The following SH3PXD2A variants were observed in gnomAD, a reference collection of about 807,000 sequenced individuals.
SH3PXD2A encodes the protein SH3 and PX domain-containing protein 2A.
In SH3PXD2A, 32 loss-of-function variants were observed where a neutral mutation model predicts 115.2. The observed-to-expected ratio is 0.28, with a 90% CI of 0.21 to 0.37. The LOEUF (loss-of-function observed/expected upper bound fraction) is 0.37. Ranked by LOEUF, SH3PXD2A falls within the 10% of genes least tolerant of loss-of-function variation. SH3PXD2A has a pLI of 1.00. For synonymous variants in SH3PXD2A, 610 were observed against 629.1 expected, an observed-to-expected ratio of 0.97 and a Z score of 0.45; for missense variants, 1,328 against 1,498.7, an observed-to-expected ratio of 0.89 and a Z score of 1.88.
chr10:103,758,713 C>T (rs1322397995), intron 3 of SH3PXD2A, among the ~76,000 whole-genome samples: 2 of 152,216 alleles, frequency 1.3e-5, no homozygotes, highest in Non-Finnish European at 2.9e-5. Context: ...GGATGGGAAG[C>T]AGTAATTACA....
chr10:103,611,924 T>C (rs1393066285), intron 12 of SH3PXD2A, among the ~76,000 whole-genome samples: 1 of 152,190 alleles, frequency 6.6e-6, no homozygotes, highest in Non-Finnish European at 1.5e-5. Context: ...AACGGGTGTA[T>C]AGATTTATCA....
At chr10:103,644,797 C>A (rs1236166127) in intron 8 of SH3PXD2A, among the ~76,000 whole-genome samples, 1 of 152,106 alleles carries the variant, frequency 6.6e-6, no homozygotes, top group East Asian at 1.9e-4. Context: ...TGGCCTTTCC[C>A]AATAGCCACA....
chr10:103,668,578 T>A (rs530352549), intron 7 of SH3PXD2A, 30 bp downstream of exon 7: 9 of 1,544,316 alleles, frequency 5.8e-6, no homozygotes, highest in Non-Finnish European at 7.9e-6. Context: ...ACACACATGC[T>A]CACACACATG....
chr10:103,821,742 T>G (rs1013942185), intron 1 of SH3PXD2A, among the ~76,000 whole-genome samples: 1 of 152,150 alleles, frequency 6.6e-6, no homozygotes, highest in African/African-American at 2.4e-5. Context: ...ATTTTTTGTA[T>G]TTTTTGTAGA....
intron 6 of SH3PXD2A, among the ~76,000 whole-genome samples, chr10:103,680,695 C>T (rs750197587): frequency 1.3e-5 from 2 of 152,144 alleles, no homozygotes; most frequent in Non-Finnish European, 2.9e-5. Flanking sequence ...GCTGCTTGGG[C>T]CACACATGGC....
intron 6 of SH3PXD2A, among the ~76,000 whole-genome samples, chr10:103,684,423 A>G (rs903903450): frequency 6.6e-6 from 1 of 151,454 alleles, no homozygotes; most frequent in Non-Finnish European, 1.5e-5. Flanking sequence ...CAGTGGCACC[A>G]TCTTGGCTCA....
At chr10:103,612,016 G>A (rs886925985) in intron 12 of SH3PXD2A, among the ~76,000 whole-genome samples, 1 of 152,214 alleles carries the variant, frequency 6.6e-6, no homozygotes, top group Non-Finnish European at 1.5e-5. Context: ...TGCCAGGCAA[G>A]AGGAGGTGCC....
intron 3 of SH3PXD2A, among the ~76,000 whole-genome samples, chr10:103,758,795 C>A (rs1465648405): frequency 6.6e-6 from 1 of 152,232 alleles, no homozygotes. Flanking sequence ...CGGTGCCTCT[C>A]AGGCCTATAA....
At chr10:103,702,604 T>TGTG (rs1554913276) in intron 5 of SH3PXD2A, among the ~76,000 whole-genome samples, 1 of 150,684 alleles carries the variant, frequency 6.6e-6, no homozygotes, top group Non-Finnish European at 1.5e-5. Context: ...TGCGTGTGTG[T>TGTG]GTGTGTGTGC....
At chr10:103,729,056 G>T (rs1396624187) in intron 4 of SH3PXD2A, among the ~76,000 whole-genome samples, 1 of 152,040 alleles carries the variant, frequency 6.6e-6, no homozygotes, top group Non-Finnish European at 1.5e-5. Flanking sequence ...CACCACAGCA[G>T]GCTAATTTTT....
chr10:103,621,886 C>A (rs1399511584), intron 10 of SH3PXD2A, among the ~76,000 whole-genome samples: 2 of 152,234 alleles, frequency 1.3e-5, no homozygotes, highest in Non-Finnish European at 2.9e-5. Flanking sequence ...CCTGGCTGGA[C>A]CTGACCCTCA....
intron 4 of SH3PXD2A, among the ~76,000 whole-genome samples, chr10:103,730,083 C>T (rs546312059): frequency 3.9e-5 from 6 of 152,332 alleles, no homozygotes; most frequent in Admixed American, 1.3e-4. Flanking sequence ...TCGAAACGGT[C>T]ATCCTCCACA....
chr10:103,636,872 C>T (rs941025720), intron 8 of SH3PXD2A, among the ~76,000 whole-genome samples: 1 of 152,148 alleles, frequency 6.6e-6, no homozygotes, highest in Non-Finnish European at 1.5e-5. Flanking sequence ...TTCTTAATCC[C>T]TTCTTCCTAG....
chr10:103,766,966 T>C (rs2038761257), intron 3 of SH3PXD2A, 128 bp downstream of exon 3: 2 of 661,532 alleles, frequency 3.0e-6, no homozygotes, highest in Non-Finnish European at 5.4e-6. Context: ...CCTGGGGGAA[T>C]TGTTCATATG....
chr10:103,829,348 G>A (rs962443234), intron 1 of SH3PXD2A, among the ~76,000 whole-genome samples: 2 of 152,148 alleles, frequency 1.3e-5, no homozygotes, highest in Non-Finnish European at 2.9e-5. Context: ...CCTCTTTTAA[G>A]TTAAAGAGGC....
chr10:103,828,330 T>C (rs566249261), intron 1 of SH3PXD2A, among the ~76,000 whole-genome samples: 26 of 152,292 alleles, frequency 1.7e-4, no homozygotes, highest in African/African-American at 5.8e-4. Flanking sequence ...GCAAGTCCAG[T>C]GAGCGATTTT....
chr10:103,808,533 G>A (rs552296123), intron 1 of SH3PXD2A, among the ~76,000 whole-genome samples: 1 of 152,006 alleles, frequency 6.6e-6, no homozygotes, highest in East Asian at 1.9e-4. Flanking sequence ...TTACAGATGC[G>A]AGCTACCATG....
At chr10:103,677,633 T>C (rs2037555769) in intron 6 of SH3PXD2A, among the ~76,000 whole-genome samples, 1 of 152,186 alleles carries the variant, frequency 6.6e-6, no homozygotes, top group Non-Finnish European at 1.5e-5. Flanking sequence ...TCCCACTGGC[T>C]CCAAACGTCT....
At chr10:103,655,090 G>A (rs2037190645) in intron 8 of SH3PXD2A, among the ~76,000 whole-genome samples, 1 of 152,140 alleles carries the variant, frequency 6.6e-6, no homozygotes, top group African/African-American at 2.4e-5. Flanking sequence ...GGCCAAAAGG[G>A]ACTCTGCTGA....
Sources: gnomAD v4.1 joint callset for allele counts (sites outside exome capture counted in the v4.1 genomes callset) on GRCh38, gnomAD v4.1.1 for gene constraint, MANE v1.5 for transcripts, NCBI Gene and HGNC (gene_info 2026-07-23, HGNC 2026-07-21) for gene names.